MERTK: variants seen among roughly 807,000 people sequenced by gnomAD.
MERTK encodes the protein tyrosine-protein kinase Mer.
In MERTK, 69 loss-of-function variants were observed where a neutral mutation model predicts 99.3. The observed-to-expected ratio is 0.70, with a 90% confidence interval of 0.57 to 0.85. The LOEUF (loss-of-function observed/expected upper bound fraction) is 0.85. Ranked by LOEUF, MERTK falls within the 40% of genes least tolerant of loss-of-function variation. MERTK has a pLI of 0.00. For synonymous variants in MERTK, 426 were observed against 467.6 expected, an observed-to-expected ratio of 0.91 and a Z score of 1.15; for missense variants, 1,125 against 1,249.4, an observed-to-expected ratio of 0.90 and a Z score of 1.50.
intron 15 of MERTK, among the ~76,000 whole-genome samples, chr2:112,011,121 G>T (rs965032120): frequency 1.3e-5 from 2 of 152,170 alleles, no homozygotes; most frequent in Non-Finnish European, 2.9e-5. Flanking sequence ...TATGAGGACC[G>T]CTGAGTGCAG....
intron 8 of MERTK, among the ~76,000 whole-genome samples, chr2:111,992,067 A>T (rs1676631698): frequency 6.6e-6 from 1 of 152,052 alleles, no homozygotes; most frequent in Admixed American, 6.6e-5. Context: ...ATCCATAAAG[A>T]AATTCTTTGA....
chr2:111,934,226 G>C (rs1466302735), intron 2 of MERTK, among the ~76,000 whole-genome samples: 1 of 152,052 alleles, frequency 6.6e-6, no homozygotes, highest in East Asian at 1.9e-4. Context: ...CTAATCCTTT[G>C]GGTATATACC....
intron 6 of MERTK, among the ~76,000 whole-genome samples, chr2:111,974,928 G>C (rs1223090808): frequency 6.6e-5 from 10 of 152,082 alleles, no homozygotes; most frequent in African/African-American, 2.2e-4. Context: ...TGTTTCCTCT[G>C]TTGCATACTC....
chr2:111,918,513 C>G (rs1489551413), intron 1 of MERTK, among the ~76,000 whole-genome samples: 1 of 152,202 alleles, frequency 6.6e-6, no homozygotes, highest in Non-Finnish European at 1.5e-5. Flanking sequence ...CTTTGAGACC[C>G]TGGCCAGACA....
At chr2:111,972,340 G>A (rs72825617) in intron 6 of MERTK, among the ~76,000 whole-genome samples, 3,205 of 152,296 alleles carry the variant, frequency 0.021, 58 homozygotes, top group Middle Eastern at 0.068. Flanking sequence ...GAGCCTGAGA[G>A]GACATGAAAC....
At chr2:112,006,854 A>C (rs908598300) in intron 13 of MERTK, among the ~76,000 whole-genome samples, 1 of 152,064 alleles carries the variant, frequency 6.6e-6, no homozygotes, top group African/African-American at 2.4e-5. Context: ...TCTTTTAATT[A>C]GAAAAATTTT....
intron 6 of MERTK, among the ~76,000 whole-genome samples, chr2:111,969,649 G>A (rs897000091): frequency 8.0e-5 from 12 of 150,472 alleles, no homozygotes; most frequent in Admixed American, 5.3e-4. Flanking sequence ...TGTATTATCC[G>A]TAAAATAGCC....
At chr2:111,969,980 C>T (rs1287171392) in intron 6 of MERTK, among the ~76,000 whole-genome samples, 9 of 152,090 alleles carry the variant, frequency 5.9e-5, no homozygotes, top group Non-Finnish European at 4.4e-5. Flanking sequence ...CGTGAGCCAC[C>T]GCGCCCTGCC....
At chr2:111,973,594 GC>G (rs1228122080) in intron 6 of MERTK, among the ~76,000 whole-genome samples, 2 of 152,232 alleles carry the variant, frequency 1.3e-5, no homozygotes, top group Admixed American at 1.3e-4. Context: ...AGAACTGCAA[GC>G]CCATTATTAA....
At chr2:111,995,591 T>G (rs966329466) in intron 9 of MERTK, 1 of 188,376 alleles carries the variant, frequency 5.3e-6, no homozygotes, top group African/African-American at 2.4e-5. Flanking sequence ...AGGCACAGTT[T>G]CTGGGAAACA....
Position 112,028,666 on chromosome 2 carries a change from C to T in MERTK, c.2802C>T (p.Gly934=). Residue 934 remains glycine (G), a synonymous_variant, in exon 19 of 19, where the codon GGC becomes GGT. Transcript: ENST00000295408. ...AAGGACGGTACATCCTGAATGGGGG[C>T]AGTGAGGAATGGGAAGATCTGACTT... ...PHEGRYILNG[G]SEEWEDLTSA... 6.2e-7 allele frequency: 1 copy of T among 1,614,158 alleles called. No individual in the cohort carries two copies. The highest frequency in any genetic ancestry group is 1.3e-5 in the African/African-American group (1 of 75,032).
intron 3 of MERTK, among the ~76,000 whole-genome samples, chr2:111,945,627 A>G (rs1240400192): frequency 6.6e-6 from 1 of 152,190 alleles, no homozygotes; most frequent in African/African-American, 2.4e-5. Flanking sequence ...ATGAAGAGTG[A>G]GACATCAGGC....
At chr2:111,964,400 C>G (rs1546637) in intron 4 of MERTK, among the ~76,000 whole-genome samples, 1 of 88,810 alleles carries the variant, frequency 1.1e-5, no homozygotes, top group East Asian at 2.2e-4. Flanking sequence ...TGTGTGTGTG[C>G]GCGCGCGCAC....
intron 11 of MERTK, 113 bp from the exon 12 acceptor site, chr2:112,002,979 T>A: frequency 1.6e-6 from 1 of 629,862 alleles, no homozygotes; most frequent in East Asian, 3.3e-5. Context: ...GCTCAATAAA[T>A]AAATAAATAA....
intron 6 of MERTK, among the ~76,000 whole-genome samples, chr2:111,971,520 A>G (rs534088206): frequency 2.0e-5 from 3 of 152,094 alleles, no homozygotes; most frequent in African/African-American, 7.2e-5. Context: ...GTTGTTGTTC[A>G]TCTCAAGTTT....
chr2:111,906,883 C>G (rs1022500100), intron 1 of MERTK, among the ~76,000 whole-genome samples: 9 of 152,252 alleles, frequency 5.9e-5, no homozygotes, highest in African/African-American at 1.9e-4. Context: ...CCTTCTAAAA[C>G]TCCACATCCT....
chr2:111,972,393 A>G (rs1676140935), intron 6 of MERTK, among the ~76,000 whole-genome samples: 1 of 152,158 alleles, frequency 6.6e-6, no homozygotes, highest in Admixed American at 6.5e-5. Context: ...GAAGAGTACC[A>G]CCCCACCTTG....
chr2:112,021,347 AC>A, intron 16 of MERTK, 74 bp from the exon 17 acceptor site: 1 of 1,600,992 alleles, frequency 6.2e-7, no homozygotes, highest in Non-Finnish European at 8.5e-7. Flanking sequence ...AAGTGTTTTC[AC>A]CTGTGTCTGA....
chr2:111,988,197 G>A (rs76944504), intron 8 of MERTK, among the ~76,000 whole-genome samples: 36,148 of 151,862 alleles, frequency 0.24, 4,621 homozygotes, highest in South Asian at 0.32. Context: ...GTTGGCATGT[G>A]CCCACCGCCT....
Sources: allele counts gnomAD v4.1 joint callset (sites outside exome capture counted in the v4.1 genomes callset), GRCh38; gene constraint gnomAD v4.1.1; transcripts MANE v1.5; gene names NCBI Gene and HGNC (gene_info 2026-07-23, HGNC 2026-07-21).